Variants in OGT observed in about 807,000 individuals in gnomAD.
OGT encodes the protein UDP-N-acetylglucosamine--peptide N-acetylglucosaminyltransferase 110 kDa subunit.
OGT carries 3 observed loss-of-function variants against 75.8 expected under a neutral mutation model. The observed-to-expected ratio is 0.04, with a 90% CI of 0.02 to 0.10. The LOEUF is 0.10. OGT is among the 10% of genes least tolerant of loss of function. OGT has a pLI of 1.00. For missense variants in OGT, 260 were observed against 824.4 expected, an observed-to-expected ratio of 0.32 and a Z score of 8.38; for synonymous variants, 257 against 289.7, an observed-to-expected ratio of 0.89 and a Z score of 1.15.
rs776266481 is a variant in OGT at position 71,535,058 on chromosome X, A to G, written c.38-1120A>G. Among the ~76,000 whole-genome samples the G allele has an allele frequency of 5.2e-4, 57 of 109,636 alleles. No individual in the cohort carries two copies. In the South Asian group the frequency reaches 6.3e-3, roughly 12 times the overall value. ...TTAAATAATTTGTCCATGGTTTCCC[A>G]TTTCAACCAGCTAGTGAAGTGCTAC... On this transcript the variant is annotated intron_variant, in intron 1 of 21. Coordinates refer to ENST00000373719, the MANE Select transcript of OGT (RefSeq NM_181672.3).
At chrX:71,534,745 C>G (rs1303596875) in intron 1 of OGT, among the ~76,000 whole-genome samples, 1 of 111,753 alleles carries the variant, frequency 8.9e-6, no homozygotes, top group Non-Finnish European at 1.9e-5. Flanking sequence ...GCTGTCGTTT[C>G]AAGTGTTAAA....
intron 8 of OGT, chrX:71,556,477 A>G (rs1488600374): frequency 4.8e-5 from 18 of 372,816 alleles, no homozygotes; most frequent in Non-Finnish European, 6.0e-5. Flanking sequence ...TAAGAGGAGA[A>G]GAGGTGTACC....
chrX:71,550,345 T>A (rs1002086254), intron 5 of OGT, among the ~76,000 whole-genome samples: 2 of 112,454 alleles, frequency 1.8e-5, no homozygotes, highest in Non-Finnish European at 3.8e-5. Flanking sequence ...GTTGAGCATA[T>A]TTTTTATATA....
rs551898479 is a variant in OGT at position 71,542,365 on chromosome X, C to T, written c.463-2202C>T. Among the ~76,000 whole-genome samples the T allele has an allele frequency of 4.5e-5, 5 of 111,739 alleles. No homozygotes were observed. In the Middle Eastern group the frequency reaches 0.014, roughly 308 times the overall value. On this transcript the variant is annotated intron_variant, in intron 3 of 21. Transcript: ENST00000373719. ...CCCAAACAGGAGAATTGGATTTCAC[C>T]GTTACATTTAATATGATGTTTTAGC... is the stretch of plus-strand genomic sequence containing the variant.
Position 71,547,480 on chromosome X carries a change from G to T in OGT, c.532-427G>T. 7 of 770,920 alleles carry T rather than the reference G, an allele frequency of 9.1e-6. No homozygotes were observed. The South Asian group carries it at 4.3e-4, about 48-fold the overall frequency. The allele number at this position is 770,920 out of a possible 1,213,427, so 63.5% of individuals were successfully genotyped here. A position where few individuals can be genotyped will look rare whatever the true frequency, so the allele number is the denominator to read the frequency against. On this transcript the variant is annotated intron_variant, in intron 4 of 21. Coordinates refer to ENST00000373719, the MANE Select transcript of OGT (RefSeq NM_181672.3). ...CAGCCATACCTCTTAACACCTCATA[G>T]AACACACTTTGGGAAACAGTGGGGG...
Position 71,533,284 on chromosome X carries a change from C to A in OGT, c.-16C>A. 1 of 1,196,386 alleles carries A rather than the reference C, an allele frequency of 8.4e-7. No individual in the cohort carries two copies. The highest frequency in any genetic ancestry group is 1.8e-5 in the South Asian group (1 of 54,696). On this transcript the variant is annotated 5_prime_UTR_variant, in exon 1 of 22. Transcript: ENST00000373719. ...GACCAATTACCTCTTTTTTGCTCTC[C>A]CTCGAGAAGCTCCAGATGGCGTCTT...
At chrX:71,556,862 A>G in intron 9 of OGT, 82 bp downstream of exon 9, 1 of 1,064,297 alleles carries the variant, frequency 9.4e-7, no homozygotes. Flanking sequence ...AGATGCTAAA[A>G]TGGCTTTAAA....
Position 71,563,504 on chromosome X carries a change from G to A in OGT, c.2436+5G>A. ...AATGGACTGGCAACTACTCAGGTGA[G>A]AAGATAATAATACACCATTATATGT... is the stretch of plus-strand genomic sequence containing the variant. On this transcript the variant is annotated splice_donor_5th_base_variant and intron_variant, in intron 18 of 21. Coordinates refer to ENST00000373719, the MANE Select transcript of OGT (RefSeq NM_181672.3). 8.5e-7 allele frequency: 1 copy of A among 1,173,990 alleles called. No homozygotes were observed. Among genetic ancestry groups the A allele is most frequent in the Non-Finnish European group, 1.1e-6 (1 of 869,618 alleles).
intron 12 of OGT, among the ~76,000 whole-genome samples, chrX:71,557,939 T>A (rs2040353534): frequency 1.8e-5 from 2 of 110,993 alleles, no homozygotes; most frequent in South Asian, 3.8e-4. Context: ...AGCCATAATT[T>A]TTTTTTCTTT....
chrX:71,569,200 C>T (rs965309106), intron 21 of OGT, among the ~76,000 whole-genome samples: 74 of 110,443 alleles, frequency 6.7e-4, no homozygotes, highest in South Asian at 2.3e-3. Context: ...TGGTGGCGGG[C>T]GTCTGTAGTC....
At chrX:71,534,055 G>A (rs1431395608) in intron 1 of OGT, among the ~76,000 whole-genome samples, 1 of 110,800 alleles carries the variant, frequency 9.0e-6, no homozygotes, top group South Asian at 3.8e-4. Context: ...TGTCCGCGGG[G>A]AACCACACCC....
In OGT at chrX:71,533,751, T is replaced by TC. The variant is rs375036977; in HGVS notation, c.37+423dup. 4.0e-3 allele frequency among the ~76,000 whole-genome samples: 416 copies of TC among 104,742 alleles called. 3 individuals are homozygous for TC. The highest frequency in any genetic ancestry group is 0.013 in the African/African-American group (363 of 28,306). The allele number at this position is 104,742 out of a possible 115,157, so 91.0% of individuals were successfully genotyped here. A position where few individuals can be genotyped will look rare whatever the true frequency, so the allele number is the denominator to read the frequency against. Reference sequence around the variant, plus strand: ...TTTCCCCTCCATCTCCTCCTTCATCTCCCCCCCCAGTCTTTTCCCCTTAGC... The same window carrying TC: ...TTTCCCCTCCATCTCCTCCTTCATCTCCCCCCCCCAGTCTTTTCCCCTTAGC... On this transcript the variant is annotated intron_variant, in intron 1 of 21. Transcript: ENST00000373719.
intron 5 of OGT, among the ~76,000 whole-genome samples, chrX:71,553,966 T>C (rs929051756): frequency 1.8e-5 from 2 of 111,953 alleles, no homozygotes; most frequent in African/African-American, 6.5e-5. Context: ...AAATTCTTAA[T>C]ATATTGCCAA....
At chrX:71,547,848 T>C (rs778699874) in intron 4 of OGT, 59 bp from the exon 5 acceptor site, 43 of 884,162 alleles carry the variant, frequency 4.9e-5, no homozygotes, top group Non-Finnish European at 6.1e-5. Context: ...CCTTTACAAA[T>C]TTTCCCCTTT....
intron 1 of OGT, among the ~76,000 whole-genome samples, chrX:71,535,749 G>A (rs1021819156): frequency 5.1e-4 from 57 of 111,690 alleles, no homozygotes; most frequent in African/African-American, 1.8e-3. Flanking sequence ...AAAATATTAC[G>A]TTTCCCAATA....
chrX:71,547,606 T>C (rs1433203849), intron 4 of OGT: 12 of 929,659 alleles, frequency 1.3e-5, no homozygotes, highest in East Asian at 6.0e-5. Context: ...TAGAGCCTTA[T>C]AGCAACTGAC....
At chrX:71,565,167 T>G (rs1024884724) in intron 19 of OGT, among the ~76,000 whole-genome samples, 2 of 112,017 alleles carry the variant, frequency 1.8e-5, no homozygotes, top group Non-Finnish European at 3.8e-5. Context: ...CTCAAAAAAA[T>G]TTTTTTTAAA....
chrX:71,564,499 G>GT, intron 18 of OGT, 102 bp from the exon 19 acceptor site: 2 of 629,711 alleles, frequency 3.2e-6, no homozygotes, highest in Non-Finnish European at 4.9e-6. Context: ...ATTTTCTCAT[G>GT]GTTCAGTGAC....
intron 21 of OGT, among the ~76,000 whole-genome samples, chrX:71,568,387 C>A (rs929939501): frequency 1.1e-4 from 12 of 112,293 alleles, no homozygotes; most frequent in Non-Finnish European, 2.1e-4. Flanking sequence ...TATTAATTAC[C>A]TGGCAATGTA....
Sources: allele counts gnomAD v4.1 joint callset (sites outside exome capture counted in the v4.1 genomes callset), GRCh38; gene constraint gnomAD v4.1.1; transcripts MANE v1.5; gene names NCBI Gene and HGNC (gene_info 2026-07-23, HGNC 2026-07-21).